The following IRAK4 variants were observed in gnomAD, a reference collection of about 807,000 sequenced individuals.
The protein encoded by IRAK4 is interleukin 1 receptor associated kinase 4.
A neutral mutation model predicts 51.8 loss-of-function variants in IRAK4; 44 were observed. That is an observed-to-expected ratio of 0.85 (90% CI 0.67 to 1.09). The LOEUF is 1.09. Among genes scored for constraint, IRAK4 ranks in the 50% least tolerant of loss-of-function variants. IRAK4 has a pLI of 0.00. For synonymous variants in IRAK4, 149 were observed against 174.1 expected, an observed-to-expected ratio of 0.86 and a Z score of 1.13; for missense variants, 487 against 538.0, an observed-to-expected ratio of 0.91 and a Z score of 0.94.
intron 1 of IRAK4, 60 bp from the exon 2 acceptor site, chr12:43,768,043 C>A (rs927946695): frequency 1.6e-6 from 2 of 1,236,750 alleles, no homozygotes; most frequent in South Asian, 2.5e-5. Flanking sequence ...GATATATAAG[C>A]TTACAGATGT....
rs1290519665 is a variant in IRAK4 at position 43,765,644 on chromosome 12, T to C, written c.-9-2459T>C. 2.0e-5 allele frequency among the ~76,000 whole-genome samples: 3 copies of C among 146,610 alleles called. No homozygotes were observed. In the South Asian group the frequency reaches 6.5e-4, roughly 32 times the overall value. ...AATACATTTTGCAAAAAAAAAAAAA[T>C]TGAAATCCATGCATGGTTTTTGCAC... On this transcript the variant is annotated intron_variant, in intron 1 of 11. Transcript: ENST00000613694.
rs1247368246 is a variant in IRAK4, at chr12:43,773,958, T to G, written c.652-7T>G. Reference sequence around the variant, plus strand: ...GTAGTATTACATTGTATATTTTATTTTTTCAGATGGTTGACATTACTACTG... The same window carrying G: ...GTAGTATTACATTGTATATTTTATTGTTTCAGATGGTTGACATTACTACTG... On this transcript the variant is annotated splice_region_variant and splice_polypyrimidine_tract_variant and intron_variant, in intron 5 of 11. Transcript: ENST00000613694. 2 of 1,579,678 alleles carry G rather than the reference T, an allele frequency of 1.3e-6. No homozygotes were observed. The highest frequency in any genetic ancestry group is 2.2e-5 in the South Asian group (2 of 90,396).
chr12:43,775,511 A>G (rs1207879576), intron 6 of IRAK4, among the ~76,000 whole-genome samples: 1 of 152,232 alleles, frequency 6.6e-6, no homozygotes, highest in African/African-American at 2.4e-5. Context: ...TACTTGCTTC[A>G]TGATGTGTGT....
At chr12:43,770,378 A>C (rs1037018078) in intron 2 of IRAK4, among the ~76,000 whole-genome samples, 1 of 152,198 alleles carries the variant, frequency 6.6e-6, no homozygotes, top group Non-Finnish European at 1.5e-5. Context: ...TAGTAGATTA[A>C]GAATACACTC....
At chr12:43,774,778 A>G (rs1941119239) in intron 6 of IRAK4, among the ~76,000 whole-genome samples, 2 of 152,230 alleles carry the variant, frequency 1.3e-5, no homozygotes, top group South Asian at 4.1e-4. Context: ...AAATTGTTGG[A>G]CATCATCAGG....
intron 1 of IRAK4, among the ~76,000 whole-genome samples, chr12:43,767,166 CTA>C (rs1321700514): frequency 6.6e-6 from 1 of 152,078 alleles, no homozygotes. Context: ...ATATCTGAGT[CTA>C]TTTGTCTTAA....
At chr12:43,781,323 G>A (rs1325830770) in intron 8 of IRAK4, among the ~76,000 whole-genome samples, 3 of 152,074 alleles carry the variant, frequency 2.0e-5, no homozygotes, top group Non-Finnish European at 4.4e-5. Context: ...ACACTACTAG[G>A]TCATGGTCCT....
In IRAK4 at chr12:43,777,841, T is replaced by C. The variant is rs4251501; in HGVS notation, c.831+97T>C. ...TGGATTATTTAAACCAAATTCACTT[T>C]CATATTTTTCCTGCTCTATGAAAAT... On this transcript the variant is annotated intron_variant, in intron 7 of 11. Transcript: ENST00000613694. The C allele has an allele frequency of 2.4e-5, 25 of 1,030,602 alleles. No individual in the cohort carries two copies. The South Asian group carries it at 2.8e-4, about 12-fold the overall frequency. The allele number at this position is 1,030,602 out of a possible 1,614,324, so 63.8% of individuals were successfully genotyped here.
At chr12:43,767,538 G>C (rs761177460) in intron 1 of IRAK4, among the ~76,000 whole-genome samples, 1 of 152,106 alleles carries the variant, frequency 6.6e-6, no homozygotes, top group Non-Finnish European at 1.5e-5. Context: ...CAGATCTCAT[G>C]GACTCAAAAA....
In IRAK4 at chr12:43,786,772, T is replaced by A; in HGVS notation, c.*57T>A. The A allele has an allele frequency of 7.0e-7, 1 of 1,429,056 alleles. No homozygotes were observed. Among genetic ancestry groups the A allele is most frequent in the Non-Finnish European group, 9.8e-7 (1 of 1,016,882 alleles). The allele number at this position is 1,429,056 out of a possible 1,614,324, so 88.5% of individuals were successfully genotyped here. ...TATACACCTATCTCAACCATTTTTT[T>A]AACTGATTTTTTTCCTAAATATTCT... On this transcript the variant is annotated 3_prime_UTR_variant, in exon 12 of 12. Transcript: ENST00000613694.
intron 2 of IRAK4, among the ~76,000 whole-genome samples, chr12:43,770,661 G>T (rs561387897): frequency 9.2e-5 from 14 of 152,040 alleles, no homozygotes; most frequent in Admixed American, 9.2e-4. Flanking sequence ...TGGTTCTCTT[G>T]TTGTCCCTTT....
chr12:43,776,950 A>G (rs1220159914), intron 6 of IRAK4, among the ~76,000 whole-genome samples: 2 of 152,258 alleles, frequency 1.3e-5, no homozygotes, highest in African/African-American at 2.4e-5. Flanking sequence ...TCTTGACAGT[A>G]TTAGCATAAA....
rs1158868213 is a variant in IRAK4 at position 43,788,204 on chromosome 12, G to C, written c.*1489G>C. ...ATATTTACAGGTTTTGCCCACATTT[G>C]AGGGGTATGTGGAAATTATACAGAG... On this transcript the variant is annotated 3_prime_UTR_variant, in exon 12 of 12. Coordinates refer to ENST00000613694, the MANE Select transcript of IRAK4 (RefSeq NM_016123.4). 2.0e-5 allele frequency: 3 copies of C among 152,214 alleles called. No homozygotes were observed. Among genetic ancestry groups the C allele is most frequent in the Admixed American group, 1.3e-4 (2 of 15,286 alleles). 9.4% of individuals were successfully genotyped at this position (152,214 alleles called of 1,614,324 possible). A position where few individuals can be genotyped will look rare whatever the true frequency, so the allele number is the denominator to read the frequency against.
intron 4 of IRAK4, 74 bp from the exon 5 acceptor site, chr12:43,772,838 T>G: frequency 9.0e-7 from 1 of 1,110,294 alleles, no homozygotes; most frequent in Non-Finnish European, 1.3e-6. Flanking sequence ...ATGTGAAATC[T>G]TCAAATGAGA....
intron 8 of IRAK4, among the ~76,000 whole-genome samples, 169 bp from the exon 9 acceptor site, chr12:43,782,138 C>T (rs553736889): frequency 6.6e-6 from 1 of 152,230 alleles, no homozygotes; most frequent in African/African-American, 2.4e-5. Context: ...AAACTTTAGG[C>T]TTTTATGATG....
At chr12:43,770,036 T>G (rs1940587331) in intron 2 of IRAK4, among the ~76,000 whole-genome samples, 1 of 152,216 alleles carries the variant, frequency 6.6e-6, no homozygotes, top group East Asian at 1.9e-4. Flanking sequence ...TTGGTGAATC[T>G]AGGTGAATGG....
chr12:43,775,719 G>T (rs1391117255), intron 6 of IRAK4, among the ~76,000 whole-genome samples: 1 of 151,820 alleles, frequency 6.6e-6, no homozygotes, highest in Non-Finnish European at 1.5e-5. Context: ...ATCATCTAGG[G>T]TAAAGTCCTA....
chr12:43,772,475 T>C, intron 4 of IRAK4, 113 bp downstream of exon 4: 1 of 918,808 alleles, frequency 1.1e-6, no homozygotes, highest in Non-Finnish European at 1.7e-6. Context: ...ACACTGGCAA[T>C]AGCTCTTTTG....
At chr12:43,772,627 A>G (rs568544004) in intron 4 of IRAK4, among the ~76,000 whole-genome samples, 1 of 152,350 alleles carries the variant, frequency 6.6e-6, no homozygotes, top group South Asian at 2.1e-4. Context: ...TCACTTTTTA[A>G]AATAAAATAT....
Sources: allele counts gnomAD v4.1 joint callset (sites outside exome capture counted in the v4.1 genomes callset), GRCh38; gene constraint gnomAD v4.1.1; transcripts MANE v1.5; gene names NCBI Gene and HGNC (gene_info 2026-07-23, HGNC 2026-07-21).